The following SGCZ variants were observed in gnomAD, a reference collection of about 807,000 sequenced individuals.
SGCZ encodes the protein sarcoglycan zeta.
In SGCZ, 40 loss-of-function variants were observed where a neutral mutation model predicts 41.3. That is an observed-to-expected ratio of 0.97 (90% confidence interval 0.75 to 1.26). SGCZ has a LOEUF of 1.26. SGCZ is among the 50% of genes most tolerant of loss of function. The pLI is 0.00. For missense variants in SGCZ, 552 were observed against 369.8 expected (o/e 1.49, Z -4.04); for synonymous variants, 206 against 137.5 (o/e 1.50, Z -3.49).
intron 2 of SGCZ, among the ~76,000 whole-genome samples, chr8:14,350,412 G>A (rs1803046557): frequency 6.6e-6 from 1 of 152,010 alleles, no homozygotes; most frequent in South Asian, 2.1e-4. Flanking sequence ...TGAATACTAT[G>A]GTATGTCATC....
intron 1 of SGCZ, among the ~76,000 whole-genome samples, chr8:15,141,363 G>C (rs1353262273): frequency 6.6e-6 from 1 of 152,182 alleles, no homozygotes; most frequent in Non-Finnish European, 1.5e-5. Context: ...TGTTGATTTA[G>C]GTATAAATTC....
At chr8:14,304,436 G>A (rs1585340930) in intron 3 of SGCZ, among the ~76,000 whole-genome samples, 1 of 151,994 alleles carries the variant, frequency 6.6e-6, no homozygotes, top group South Asian at 2.1e-4. Flanking sequence ...TCTACAAAAA[G>A]TACAAAAATT....
At chr8:15,227,695 C>A (rs910508075) in intron 1 of SGCZ, among the ~76,000 whole-genome samples, 4 of 152,084 alleles carry the variant, frequency 2.6e-5, no homozygotes, top group African/African-American at 9.6e-5. Flanking sequence ...AATAAGACAA[C>A]GGGAAAAAAT....
At chr8:14,141,578 C>A (rs1585172697) in intron 5 of SGCZ, among the ~76,000 whole-genome samples, 1 of 152,208 alleles carries the variant, frequency 6.6e-6, no homozygotes. Flanking sequence ...CTCATCATCA[C>A]TGGCCATCAG....
intron 1 of SGCZ, among the ~76,000 whole-genome samples, chr8:14,856,282 T>C (rs1425077711): frequency 6.6e-6 from 1 of 152,172 alleles, no homozygotes. Context: ...CTGTAACGAA[T>C]CCTATATTTG....
At chr8:15,016,954 C>T (rs557972134) in intron 1 of SGCZ, among the ~76,000 whole-genome samples, 1 of 152,244 alleles carries the variant, frequency 6.6e-6, no homozygotes, top group Non-Finnish European at 1.5e-5. Flanking sequence ...AAATCACTCA[C>T]TACCCTCCAA....
At chr8:14,957,029 A>G (rs933650828) in intron 1 of SGCZ, among the ~76,000 whole-genome samples, 1 of 152,182 alleles carries the variant, frequency 6.6e-6, no homozygotes, top group Non-Finnish European at 1.5e-5. Context: ...GATAGAAAAA[A>G]ACAACCCTGG....
At chr8:15,088,684 C>T (rs896608612) in intron 1 of SGCZ, among the ~76,000 whole-genome samples, 1 of 152,082 alleles carries the variant, frequency 6.6e-6, no homozygotes, top group South Asian at 2.1e-4. Flanking sequence ...ATAAGACACC[C>T]TTTCCCCCTG....
intron 1 of SGCZ, among the ~76,000 whole-genome samples, chr8:14,914,728 A>G (rs1365094045): frequency 6.6e-6 from 1 of 152,214 alleles, no homozygotes; most frequent in Non-Finnish European, 1.5e-5. Flanking sequence ...AGGCAAATCC[A>G]GAAGAAAACA....
intron 1 of SGCZ, among the ~76,000 whole-genome samples, chr8:15,126,816 G>C (rs1476266840): frequency 6.6e-6 from 1 of 152,098 alleles, no homozygotes; most frequent in Non-Finnish European, 1.5e-5. Flanking sequence ...AAAAGTGGGA[G>C]ATAATAGCCA....
At chr8:14,610,258 C>T (rs1407582916) in intron 1 of SGCZ, among the ~76,000 whole-genome samples, 1 of 152,136 alleles carries the variant, frequency 6.6e-6, no homozygotes, top group African/African-American at 2.4e-5. Context: ...GTAAGAAGGG[C>T]ATTTGAGTCT....
rs540914912 is a variant in SGCZ at position 14,641,113 on chromosome 8, G to T, written c.40-86187C>A. ...ACTAACACTTCCAAAAAGATTAGAG[G>T]GGGTAGGGATACAAAGATCCTTCCA... On this transcript the variant is annotated intron_variant, in intron 1 of 7. Transcript: ENST00000382080. Among the ~76,000 whole-genome samples, 73 of 151,462 alleles carry T rather than the reference G, an allele frequency of 4.8e-4. 2 individuals carry two copies. The South Asian group carries it at 7.7e-3, about 16-fold the overall frequency.
chr8:15,167,240 A>C (rs1799691238), intron 1 of SGCZ, among the ~76,000 whole-genome samples: 1 of 152,210 alleles, frequency 6.6e-6, no homozygotes, highest in Non-Finnish European at 1.5e-5. Flanking sequence ...CAATTGGAGA[A>C]AGTGATTATT....
At chr8:14,669,381 G>GTAAATAAA (rs777080639) in intron 1 of SGCZ, among the ~76,000 whole-genome samples, 15 of 145,466 alleles carry the variant, frequency 1.0e-4, no homozygotes, top group East Asian at 2.1e-4. Flanking sequence ...AAGTAAGTAA[G>GTAAATAAA]TAAGTAAATA....
chr8:14,354,196 G>C (rs1050044313), intron 2 of SGCZ, among the ~76,000 whole-genome samples: 3 of 151,818 alleles, frequency 2.0e-5, no homozygotes, highest in Non-Finnish European at 4.4e-5. Context: ...TGTTAAACTT[G>C]TAATTTTAGT....
intron 4 of SGCZ, among the ~76,000 whole-genome samples, chr8:14,197,859 T>G (rs909444894): frequency 3.9e-5 from 6 of 152,014 alleles, no homozygotes; most frequent in South Asian, 2.1e-4. Context: ...TGGAAAAAAC[T>G]TAAACAATTT....
chr8:14,346,048 C>T (rs776824875), intron 2 of SGCZ, among the ~76,000 whole-genome samples: 8 of 151,970 alleles, frequency 5.3e-5, no homozygotes, highest in Non-Finnish European at 1.0e-4. Flanking sequence ...GAATATACAA[C>T]ACAAAGAGTA....
chr8:14,242,518 G>C (rs529541276), intron 3 of SGCZ, among the ~76,000 whole-genome samples: 1 of 152,064 alleles, frequency 6.6e-6, no homozygotes, highest in South Asian at 2.1e-4. Context: ...GTAAAATAGG[G>C]GTCATAGCAC....
chr8:14,160,135 TTGATA>T (rs1677693267), intron 5 of SGCZ, among the ~76,000 whole-genome samples: 1 of 152,224 alleles, frequency 6.6e-6, no homozygotes, highest in Non-Finnish European at 1.5e-5. Flanking sequence ...ATGCTTTCTT[TTGATA>T]TATTTAACTG....
Sources: allele counts gnomAD v4.1 joint callset (sites outside exome capture counted in the v4.1 genomes callset), GRCh38; gene constraint gnomAD v4.1.1; transcripts MANE v1.5; gene names NCBI Gene and HGNC (gene_info 2026-07-23, HGNC 2026-07-21).